Variants in TNPO1 observed in about 807,000 individuals in gnomAD.
TNPO1 encodes the protein transportin 1.
A neutral mutation model predicts 119.5 loss-of-function variants in TNPO1; 8 were observed. The observed-to-expected ratio is 0.07, with a 90% CI of 0.04 to 0.12. The LOEUF is 0.12. Among genes scored for constraint, TNPO1 ranks in the 10% least tolerant of loss-of-function variants. The pLI, the probability that TNPO1 is intolerant of heterozygous loss-of-function variation, is 1.00. For missense variants in TNPO1, 576 were observed against 1,089.8 expected (o/e 0.53, Z 6.64); for synonymous variants, 362 against 363.0 (o/e 1.00, Z 0.03).
chr5:72,883,118 C>T lies in TNPO1; in HGVS notation c.1036C>T (p.Arg346Cys), dbSNP rs773187351. 5 of 1,613,778 alleles carry T rather than the reference C, an allele frequency of 3.1e-6. No homozygotes were observed. Among genetic ancestry groups the T allele is most frequent in the Non-Finnish European group, 3.4e-6 (4 of 1,180,016 alleles). The change falls in exon 11 of 25, where the codon CGT becomes TGT. Residue 346 changes from arginine (R) to cysteine (C), a missense_variant. Physicochemically the swap from Arg to Cys is radical, Grantham distance 180 (BLOSUM62 -3). Transcript: ENST00000337273. ...TGATAGTGAACAGGATATACGGCCA[C>T]GTTTTCACCGATCGAGGACGGTGGC... ...IPDSEQDIRP[R>C]FHRSRTVAQQ...
At chr5:72,905,814 T>C (rs1168925806) in intron 24 of TNPO1, among the ~76,000 whole-genome samples, 3 of 152,122 alleles carry the variant, frequency 2.0e-5, no homozygotes, top group African/African-American at 7.2e-5. Context: ...GGAATATTGT[T>C]TGAACCTGGG....
chr5:72,832,212 G>T (rs1012101777), intron 1 of TNPO1, among the ~76,000 whole-genome samples: 8 of 152,040 alleles, frequency 5.3e-5, no homozygotes, highest in Admixed American at 2.0e-4. Context: ...TCAGTAATTT[G>T]TTAAAAGTTG....
intron 8 of TNPO1, among the ~76,000 whole-genome samples, chr5:72,876,231 C>T (rs1028976763): frequency 1.3e-5 from 2 of 152,174 alleles, no homozygotes; most frequent in African/African-American, 2.4e-5. Flanking sequence ...TTCCACAATA[C>T]TCAGTAGCAA....
At position 72,848,361 on chromosome 5, in the gene TNPO1, TCCTGTGTCTGG is replaced by T; in HGVS notation, c.16-22_16-12del. 1 of 1,605,640 alleles carries T rather than the reference TCCTGTGTCTGG, an allele frequency of 6.2e-7. No individual in the cohort carries two copies. The highest frequency in any genetic ancestry group is 8.5e-7 in the Non-Finnish European group (1 of 1,175,134). ...CGGGAGTAACAGTTGCTCCGTCTCT[TCCTGTGTCTGG>T]CTTTATTTGCAGCAAACCAAGATGG... On this transcript the variant is annotated splice_polypyrimidine_tract_variant and intron_variant, in intron 1 of 24. Transcript: ENST00000337273.
chr5:72,896,262 C>G (rs1292623948), intron 18 of TNPO1, among the ~76,000 whole-genome samples, 196 bp from the exon 19 acceptor site: 1 of 152,128 alleles, frequency 6.6e-6, no homozygotes, highest in African/African-American at 2.4e-5. Flanking sequence ...ACATTACCAA[C>G]TCCTTTAAAA....
chr5:72,872,367 T>TGGGTATGCA (rs1230795430), intron 6 of TNPO1, among the ~76,000 whole-genome samples: 2 of 152,138 alleles, frequency 1.3e-5, no homozygotes, highest in Non-Finnish European at 2.9e-5. Context: ...CAACCTCCAC[T>TGGGTATGCA]CTTTATGGGT....
intron 11 of TNPO1, 140 bp from the exon 12 acceptor site, chr5:72,886,930 T>A (rs1334836735): frequency 6.9e-6 from 4 of 580,236 alleles, no homozygotes; most frequent in Admixed American, 4.3e-5. Flanking sequence ...TGTTTTCACG[T>A]GACAAACTAC....
intron 19 of TNPO1, among the ~76,000 whole-genome samples, chr5:72,896,798 G>A (rs937557973): frequency 6.6e-6 from 1 of 152,176 alleles, no homozygotes; most frequent in African/African-American, 2.4e-5. Flanking sequence ...GAACCTGGGA[G>A]GCAGAGGTTT....
intron 2 of TNPO1, 111 bp downstream of exon 2, chr5:72,848,609 C>T (rs925465513): frequency 1.7e-5 from 8 of 457,328 alleles, no homozygotes; most frequent in Non-Finnish European, 2.4e-5. Context: ...CCCCCATCCT[C>T]CGAGACCGGC....
Position 72,913,599 on chromosome 5 carries a change from TTTTG to T in TNPO1, c.*4930_*4933del, listed in dbSNP as rs1318398064. The stretch of plus-strand genomic sequence containing the variant: ...AAGCAGTTTTTCCTTTTATTGCAGT[TTTTG>T]TTTATCTGCCATAGAATTTCCTTAT... On this transcript the variant is annotated 3_prime_UTR_variant, in exon 25 of 25. Coordinates refer to ENST00000337273, the MANE Select transcript of TNPO1 (RefSeq NM_002270.4). 6.6e-6 allele frequency: 1 copy of T among 152,518 alleles called. No homozygotes were observed. The highest frequency in any genetic ancestry group is 1.5e-5 in the Non-Finnish European group (1 of 67,934). The allele number at this position is 152,518 out of a possible 1,614,324, so 9.4% of individuals were successfully genotyped here.
At chr5:72,886,568 A>G (rs1434741674) in intron 11 of TNPO1, among the ~76,000 whole-genome samples, 1 of 152,198 alleles carries the variant, frequency 6.6e-6, no homozygotes, top group Non-Finnish European at 1.5e-5. Flanking sequence ...TTAATTTGCC[A>G]AGTAAGTTCT....
At chr5:72,894,459 C>G (rs1418520295) in intron 18 of TNPO1, among the ~76,000 whole-genome samples, 1 of 152,216 alleles carries the variant, frequency 6.6e-6, no homozygotes. Flanking sequence ...GTCACGAAGT[C>G]AGGAGATCAA....
chr5:72,832,020 A>G (rs550078237), intron 1 of TNPO1, among the ~76,000 whole-genome samples: 3 of 152,176 alleles, frequency 2.0e-5, no homozygotes, highest in South Asian at 4.1e-4. Flanking sequence ...TATATTTACT[A>G]TTGATACTAG....
At chr5:72,885,610 T>C (rs1387841779) in intron 11 of TNPO1, among the ~76,000 whole-genome samples, 1 of 152,214 alleles carries the variant, frequency 6.6e-6, no homozygotes, top group Admixed American at 6.5e-5. Context: ...CATACAGATT[T>C]AGATTTCCTT....
chr5:72,903,110 T>C (rs765874014), intron 22 of TNPO1, among the ~76,000 whole-genome samples: 1 of 152,212 alleles, frequency 6.6e-6, no homozygotes, highest in Non-Finnish European at 1.5e-5. Context: ...CTTGTTCTTA[T>C]AGTCAGAATA....
At chr5:72,905,833 G>A (rs1750103247) in intron 24 of TNPO1, among the ~76,000 whole-genome samples, 1 of 152,188 alleles carries the variant, frequency 6.6e-6, no homozygotes, top group East Asian at 1.9e-4. Flanking sequence ...GGAGATGGGG[G>A]TTGCAGTGAG....
rs1272576395 is a variant in TNPO1 at position 72,913,334 on chromosome 5, T to TA, written c.*4662dup. 3.3e-5 allele frequency: 5 copies of TA among 152,480 alleles called. No individual in the cohort carries two copies. The highest frequency in any genetic ancestry group is 1.2e-4 in the African/African-American group (5 of 41,452). The allele number at this position is 152,480 out of a possible 1,614,324, so 9.4% of individuals were successfully genotyped here. A position where few individuals can be genotyped will look rare whatever the true frequency, so the allele number is the denominator to read the frequency against. ...AGATCTTTCACCCATTAGCATTACT[T>TA]ACGTAGATAATTCTTTATGCCTAGT... On this transcript the variant is annotated 3_prime_UTR_variant, in exon 25 of 25. Transcript: ENST00000337273.
At chr5:72,857,964 T>C (rs1215199659) in intron 4 of TNPO1, among the ~76,000 whole-genome samples, 1 of 152,260 alleles carries the variant, frequency 6.6e-6, no homozygotes, top group Non-Finnish European at 1.5e-5. Flanking sequence ...CAGAGATTGG[T>C]GAAATTGACT....
At chr5:72,816,835 G>C in intron 1 of TNPO1, 83 bp downstream of exon 1, 1 of 1,475,772 alleles carries the variant, frequency 6.8e-7, no homozygotes. Context: ...ACGCGCCTAC[G>C]GGAGAGACGC....
Sources: gnomAD v4.1 joint callset for allele counts (sites outside exome capture counted in the v4.1 genomes callset) on GRCh38, gnomAD v4.1.1 for gene constraint, MANE v1.5 for transcripts, NCBI Gene and HGNC (gene_info 2026-07-23, HGNC 2026-07-21) for gene names.